Variants in GDF1 observed in about 807,000 individuals in gnomAD.
The protein encoded by GDF1 is growth differentiation factor 1, also known as embryonic growth/differentiation factor 1.
In GDF1, 8 loss-of-function variants were observed where a neutral mutation model predicts 7.4. That is an observed-to-expected ratio of 1.09 (90% CI 0.64 to 1.96). The LOEUF (loss-of-function observed/expected upper bound fraction) is 1.96. Ranked by LOEUF, GDF1 falls within the 30% of genes most tolerant of loss-of-function variation. The pLI is 0.00. For missense variants in GDF1, 574 were observed against 551.5 expected, an observed-to-expected ratio of 1.04 and a Z score of -0.41; for synonymous variants, 311 against 276.7, an observed-to-expected ratio of 1.12 and a Z score of -1.23.
chr19:18,887,693 G>A (rs537443241), intron 2 of GDF1, among the ~76,000 whole-genome samples: 261 of 144,410 alleles, frequency 1.8e-3, no homozygotes, highest in African/African-American at 4.0e-3. Context: ...GTGGTGAGCC[G>A]AGATCACACC....
At chr19:18,881,379 C>T (rs2146022291) in intron 3 of GDF1, among the ~76,000 whole-genome samples, 1 of 152,154 alleles carries the variant, frequency 6.6e-6, no homozygotes, top group Admixed American at 6.5e-5. Context: ...TGCCACCACG[C>T]CCAGTTAATT....
Position 18,868,781 on chromosome 19 carries a change from G to C in GDF1, c.935C>G (p.Pro312Arg), listed in dbSNP as rs759759832. The change falls in exon 8 of 8, where the codon CCG becomes CGG. Residue 312 changes from proline to arginine, a missense_variant. Pro to Arg is a moderately radical substitution (Grantham distance 103). Transcript: ENST00000247005. Reference sequence around the variant, plus strand: ...CAGCACAGCGTGGTTGAGCGCCGGCGGCCCCCCGGACCCCGACAGCGCGAC... The same window carrying C: ...CAGCACAGCGTGGTTGAGCGCCGGCCGCCCCCCGGACCCCGACAGCGCGAC... The part of the protein sequence containing the change: ...LPVALSGSGG[P>R]PALNHAVLRA... The C allele has an allele frequency of 6.8e-7, 1 of 1,465,846 alleles. No individual in the cohort carries two copies. Among genetic ancestry groups the C allele is most frequent in the Non-Finnish European group, 9.1e-7 (1 of 1,100,262 alleles). The allele number at this position is 1,465,846 out of a possible 1,614,324, so 90.8% of individuals were successfully genotyped here. A position where few individuals can be genotyped will look rare whatever the true frequency, so the allele number is the denominator to read the frequency against.
At chr19:18,871,925 C>G (rs1052572290) in intron 6 of GDF1, among the ~76,000 whole-genome samples, 1 of 152,194 alleles carries the variant, frequency 6.6e-6, no homozygotes, top group African/African-American at 2.4e-5. Context: ...TGGGATGACT[C>G]CAGGGATTCC....
Position 18,873,841 on chromosome 19 carries a change from GA to G in GDF1, c.-312-3223del, listed in dbSNP as rs35266368. ...GGGTGACAGAGCGAGACTCTGTCTC[GA>G]AAAAAAAAAAAAAAGAAGAAGAAGG... On this transcript the variant is annotated intron_variant, in intron 6 of 7. Transcript: ENST00000247005. Among the ~76,000 whole-genome samples the G allele has an allele frequency of 9.3e-3, 1,085 of 116,788 alleles. 3 individuals carry two copies. Among genetic ancestry groups the G allele is most frequent in the African/African-American group, 0.028 (905 of 31,860 alleles). 76.6% of individuals were successfully genotyped at this position (116,788 alleles called of 152,430 possible).
In GDF1 at chr19:18,869,143, C is replaced by T; in HGVS notation, c.573G>A (p.Gly191=). The T allele has an allele frequency of 1.8e-6, 2 of 1,114,176 alleles. No homozygotes were observed. Among genetic ancestry groups the T allele is most frequent in the Non-Finnish European group, 2.2e-6 (2 of 912,054 alleles). The allele number at this position is 1,114,176 out of a possible 1,614,324, so 69.0% of individuals were successfully genotyped here. The stretch of plus-strand genomic sequence containing the variant: ...CCAGCAGCTCCGCGCGCACTGGCGG[C>T]CCCAGGGCGGGCACCAACTGGCGGA... ...VLLRQLVPAL[G]PPVRAELLGA... Residue 191 remains glycine (G), a synonymous_variant, in exon 8 of 8, where the codon GGG becomes GGA. Coordinates refer to ENST00000247005, the MANE Select transcript of GDF1 (RefSeq NM_001492.6).
chr19:18,895,895 G>C lies in GDF1; in HGVS notation c.-1145C>G, dbSNP rs760185006. The C allele has an allele frequency of 3.2e-6, 4 of 1,264,130 alleles. No individual in the cohort carries two copies. Among genetic ancestry groups the C allele is most frequent in the Admixed American group, 8.4e-5 (2 of 23,786 alleles). 78.3% of individuals were successfully genotyped at this position (1,264,130 alleles called of 1,614,324 possible). On this transcript the variant is annotated 5_prime_UTR_variant, in exon 1 of 8. Transcript: ENST00000247005. The surrounding 1 kb of genome is among the most constrained non-coding windows in gnomAD (Gnocchi z 6.4). ...AGCGCGCCGAGCGCCAGCAGCAGCAGCTCGGGCGGCGCCAGGTGCGCGTGC... is the reference window on the plus strand; with the variant it reads ...AGCGCGCCGAGCGCCAGCAGCAGCACCTCGGGCGGCGCCAGGTGCGCGTGC...
At chr19:18,883,542 A>AG (rs1491552532) in intron 3 of GDF1, among the ~76,000 whole-genome samples, 8 of 149,408 alleles carry the variant, frequency 5.4e-5, no homozygotes, top group Non-Finnish European at 1.2e-4. Flanking sequence ...CAAAAAAAAA[A>AG]GAGAGAGAGA....
rs1363443064 is a variant in GDF1 at position 18,868,983 on chromosome 19, A to G, written c.733T>C (p.Cys245Arg). Residue 245 changes from cysteine (C) to arginine (R), a missense_variant, in exon 8 of 8, where the codon TGC becomes CGC. Transcript: ENST00000247005. The part of the protein sequence containing the change: ...LLLVTLDPRL[C>R]HPLARPRRDA... Reference sequence around the variant, plus strand: ...CGCCGCGGCCGGGCCAGGGGGTGGCACAGGCGCGGGTCGAGGGTCACCAGC... The same window carrying G: ...CGCCGCGGCCGGGCCAGGGGGTGGCGCAGGCGCGGGTCGAGGGTCACCAGC... The G allele has an allele frequency of 4.4e-6, 5 of 1,133,154 alleles. No individual in the cohort carries two copies. The highest frequency in any genetic ancestry group is 1.7e-5 in the African/African-American group (1 of 59,218). The allele number at this position is 1,133,154 out of a possible 1,614,324, so 70.2% of individuals were successfully genotyped here. A position where few individuals can be genotyped will look rare whatever the true frequency, so the allele number is the denominator to read the frequency against.
intron 6 of GDF1, among the ~76,000 whole-genome samples, chr19:18,874,289 G>A (rs1038091136): frequency 1.3e-5 from 2 of 152,184 alleles, no homozygotes; most frequent in Admixed American, 1.3e-4. Flanking sequence ...AGATGTAGGT[G>A]CTGAAGTTCA....
intron 3 of GDF1, among the ~76,000 whole-genome samples, chr19:18,881,171 G>A (rs1040791756): frequency 4.0e-5 from 6 of 151,466 alleles, no homozygotes; most frequent in South Asian, 2.1e-4. Context: ...CCTGGCCATC[G>A]CTGCAGGAAA....
rs1166050221 is a variant in GDF1 at position 18,895,332 on chromosome 19, CCCGCATGGCAGGGAGGCGCATGGCGCAGG to C, written c.-1074+463_-1074+491del. On this transcript the variant is annotated intron_variant, in intron 1 of 7. Coordinates refer to ENST00000247005, the MANE Select transcript of GDF1 (RefSeq NM_001492.6). The surrounding 1 kb of genome is among the most constrained non-coding windows in gnomAD (Gnocchi z 6.4). The stretch of plus-strand genomic sequence containing the variant: ...GACCTCGCTCCGGGCCGGGGCGCAG[CCCGCATGGCAGGGAGGCGCATGGCGCAGG>C]CCGCGGTGCGCCGAGCCCTCCCGTT... Among the ~76,000 whole-genome samples the C allele has an allele frequency of 6.6e-6, 1 of 152,230 alleles. No individual in the cohort carries two copies. The highest frequency in any genetic ancestry group is 1.5e-5 in the Non-Finnish European group (1 of 68,034).
chr19:18,894,118 G>A (rs1349374116), intron 1 of GDF1, among the ~76,000 whole-genome samples: 1 of 151,738 alleles, frequency 6.6e-6, no homozygotes, highest in South Asian at 2.1e-4. Flanking sequence ...CGATGAAAGG[G>A]GAGGAGGGGC....
rs1434909728 is a variant in GDF1 at position 18,895,923 on chromosome 19, A to G, written c.-1173T>C. 2 of 1,220,468 alleles carry G rather than the reference A, an allele frequency of 1.6e-6. No individual in the cohort carries two copies. Among genetic ancestry groups the G allele is most frequent in the East Asian group, 4.0e-5 (1 of 25,288 alleles). 75.6% of individuals were successfully genotyped at this position (1,220,468 alleles called of 1,614,324 possible). ...CGGGCGGCGCCAGGTGCGCGTGCTCAGCCAGGCCGCGACGCGCCAGCCCCC... is the reference window on the plus strand; with the variant it reads ...CGGGCGGCGCCAGGTGCGCGTGCTCGGCCAGGCCGCGACGCGCCAGCCCCC... On this transcript the variant is annotated 5_prime_UTR_variant, in exon 1 of 8. Coordinates refer to ENST00000247005, the MANE Select transcript of GDF1 (RefSeq NM_001492.6). The surrounding 1 kb of genome is among the most constrained non-coding windows in gnomAD (Gnocchi z 6.4).
At position 18,879,373 on chromosome 19, in the gene GDF1, G is replaced by T. The variant is rs764610749; in HGVS notation, c.-555C>A. 8.9e-6 allele frequency: 14 copies of T among 1,572,220 alleles called. No individual in the cohort carries two copies. The highest frequency in any genetic ancestry group is 1.1e-5 in the Non-Finnish European group (13 of 1,159,274). Reference sequence around the variant, plus strand: ...ACAGGACCTTGAGCGGGAACCAGTAGAGGCGGAACCAGAACCTGCGGTGGG... The same window carrying T: ...ACAGGACCTTGAGCGGGAACCAGTATAGGCGGAACCAGAACCTGCGGTGGG... On this transcript the variant is annotated 5_prime_UTR_variant, in exon 5 of 8. Transcript: ENST00000247005.
rs368637790 is a variant in GDF1 at position 18,880,317 on chromosome 19, C to T, written c.-614G>A. On this transcript the variant is annotated 5_prime_UTR_variant, in exon 4 of 8. The change abolishes an upstream ATG in the 5' untranslated region. Transcript: ENST00000247005. ...AGGCAGCCCAAGTCTGCTGCCAAGG[C>T]ATGCAGCCGATGGTAGGAGCCGCCG... The T allele has an allele frequency of 7.7e-6, 12 of 1,553,164 alleles. No homozygotes were observed. Among genetic ancestry groups the T allele is most frequent in the African/African-American group, 5.5e-5 (4 of 73,264 alleles).
rs1026938291 is a variant in GDF1, at chr19:18,896,043, C to CGGCCCCGCCGCG, written c.-1305_-1294dup. The CGGCCCCGCCGCG allele has an allele frequency of 6.1e-6, 6 of 988,574 alleles. No individual in the cohort carries two copies. In the African/African-American group the frequency reaches 7.0e-5, roughly 12 times the overall value. 61.2% of individuals were successfully genotyped at this position (988,574 alleles called of 1,614,324 possible). A position where few individuals can be genotyped will look rare whatever the true frequency, so the allele number is the denominator to read the frequency against. ...AGCTCGGCATGGGCTCGGGCCCCGTCGGCCCCGCCGCGGGCCCCGCCGCCG... is the reference window on the plus strand; with the variant it reads ...AGCTCGGCATGGGCTCGGGCCCCGTCGGCCCCGCCGCGGGCCCCGCCGCGGGCCCCGCCGCCG... On this transcript the variant is annotated 5_prime_UTR_variant, in exon 1 of 8. Transcript: ENST00000247005. The surrounding 1 kb of genome is among the most constrained non-coding windows in gnomAD (Gnocchi z 5.9).
chr19:18,876,536 TTGTGTGTG>T (rs60266196), intron 6 of GDF1, among the ~76,000 whole-genome samples: 33 of 143,184 alleles, frequency 2.3e-4, no homozygotes, highest in Admixed American at 1.1e-3. Context: ...TTTGATTGGG[TTGTGTGTG>T]TGTGTGTGTG....
chr19:18,888,542 A>G (rs1231110891), intron 2 of GDF1, among the ~76,000 whole-genome samples: 2 of 150,126 alleles, frequency 1.3e-5, no homozygotes, highest in Non-Finnish European at 3.0e-5. Flanking sequence ...AAAAAAAAAA[A>G]AAAACAGGCT....
chr19:18,893,649 G>T, intron 1 of GDF1, 74 bp from the exon 2 acceptor site: 1 of 1,447,312 alleles, frequency 6.9e-7, no homozygotes, highest in Non-Finnish European at 9.4e-7. Flanking sequence ...TGGGGAAACT[G>T]AGGCCCAGGG....
Sources: gnomAD v4.1 joint callset for allele counts (sites outside exome capture counted in the v4.1 genomes callset) on GRCh38, gnomAD v4.1.1 for gene constraint, Gnocchi (gnomAD v3.1) non-coding constraint, MANE v1.5 for transcripts, NCBI Gene and HGNC (gene_info 2026-07-23, HGNC 2026-07-21) for gene names.